The following PIGU variants were observed in gnomAD, a reference collection of about 807,000 sequenced individuals.
The protein encoded by PIGU is GPI-anchor transamidase component PIGU.
In PIGU, 24 loss-of-function variants were observed where a neutral mutation model predicts 49.9. That is an observed-to-expected ratio of 0.48 (90% confidence interval 0.35 to 0.68). The LOEUF (loss-of-function observed/expected upper bound fraction) is 0.68, where lower values mean the gene tolerates loss of function less well. PIGU is among the 30% of genes least tolerant of loss of function. PIGU has a pLI of 0.01. For synonymous variants in PIGU, 220 were observed against 205.7 expected, an observed-to-expected ratio of 1.07 and a Z score of -0.59; for missense variants, 490 against 532.6, an observed-to-expected ratio of 0.92 and a Z score of 0.79.
chr20:34,672,866 A>T (rs1227081918), intron 1 of PIGU, among the ~76,000 whole-genome samples: 84 of 150,606 alleles, frequency 5.6e-4, no homozygotes, highest in African/African-American at 2.0e-3. Flanking sequence ...CAAAAAAAAA[A>T]AAAAAAAAAA....
At chr20:34,565,450 C>T (rs144192911) in intron 11 of PIGU, among the ~76,000 whole-genome samples, 37 of 151,940 alleles carry the variant, frequency 2.4e-4, no homozygotes, top group African/African-American at 5.1e-4. Flanking sequence ...TTAGTAGAGA[C>T]GGGGTTTCAC....
chr20:34,611,953 G>A (rs1016988406), intron 7 of PIGU, among the ~76,000 whole-genome samples: 2 of 152,174 alleles, frequency 1.3e-5, no homozygotes, highest in African/African-American at 4.8e-5. Flanking sequence ...ACAGTGTGGC[G>A]ATTCCTCAAG....
At chr20:34,585,870 C>A (rs532737910) in intron 8 of PIGU, among the ~76,000 whole-genome samples, 3 of 152,192 alleles carry the variant, frequency 2.0e-5, no homozygotes, top group Non-Finnish European at 2.9e-5. Context: ...TGTTTTACTG[C>A]GCAAGACAGT....
At position 34,627,603 on chromosome 20, in the gene PIGU, G is replaced by A. The variant is rs151311294; in HGVS notation, c.529+7012C>T. On this transcript the variant is annotated intron_variant, in intron 6 of 11. Coordinates refer to ENST00000217446, the MANE Select transcript of PIGU (RefSeq NM_080476.5). ...TAATGGCATACTTTTACATTTTTAC[G>A]AGCGACTCCTAGGAAAACAAATAAA... Among the ~76,000 whole-genome samples, 13 of 151,390 alleles carry A rather than the reference G, an allele frequency of 8.6e-5. No homozygotes were observed. In the East Asian group the frequency reaches 1.2e-3, roughly 14 times the overall value.
At chr20:34,649,848 C>CTT (rs1243838081) in intron 2 of PIGU, among the ~76,000 whole-genome samples, 18 of 105,676 alleles carry the variant, frequency 1.7e-4, no homozygotes, top group South Asian at 3.1e-4. Flanking sequence ...CTATTACATT[C>CTT]TTTTTTTTTT....
Position 34,575,214 on chromosome 20 carries a change from T to A in PIGU, c.1084A>T (p.Ile362Phe). ...GGGAAGAGCAGGGAACAGACGATGA[T>A]GATGCAGGTGAGGACAAAGATGTTT... ...LRNIFVLTCI[I>F]IVCSLLFPVL... Residue 362 changes from isoleucine (I) to phenylalanine (F), a missense_variant, in exon 11 of 12, where the codon ATC becomes TTC. Physicochemically the swap from Ile to Phe is conservative, Grantham distance 21. Transcript: ENST00000217446. The A allele has an allele frequency of 6.2e-7, 1 of 1,614,108 alleles. No individual in the cohort carries two copies. The highest frequency in any genetic ancestry group is 8.5e-7 in the Non-Finnish European group (1 of 1,179,994).
intron 7 of PIGU, among the ~76,000 whole-genome samples, chr20:34,598,002 C>T (rs1447200925): frequency 1.3e-5 from 2 of 151,912 alleles, no homozygotes; most frequent in East Asian, 1.9e-4. Flanking sequence ...CCCAGGAGCT[C>T]GAGACCAGCC....
intron 7 of PIGU, among the ~76,000 whole-genome samples, chr20:34,596,917 A>C (rs1219871229): frequency 6.6e-6 from 1 of 152,202 alleles, no homozygotes; most frequent in Non-Finnish European, 1.5e-5. Flanking sequence ...AAAACAAAGC[A>C]AAATAAACAA....
chr20:34,588,618 G>C lies in PIGU; in HGVS notation c.628-11C>G. On this transcript the variant is annotated splice_polypyrimidine_tract_variant and intron_variant, in intron 7 of 11. Coordinates refer to ENST00000217446, the MANE Select transcript of PIGU (RefSeq NM_080476.5). ...AGGTATGTACTGCCGCTGGAGAGAA[G>C]GCAAAGTGATATAAACTTAGGGATG... 6.2e-7 allele frequency: 1 copy of C among 1,609,114 alleles called. No homozygotes were observed. Among genetic ancestry groups the C allele is most frequent in the South Asian group, 1.1e-5 (1 of 90,182 alleles).
chr20:34,573,689 G>A (rs927970764), intron 11 of PIGU, among the ~76,000 whole-genome samples: 1 of 152,238 alleles, frequency 6.6e-6, no homozygotes, highest in Non-Finnish European at 1.5e-5. Context: ...GAGAGCCAGG[G>A]CAACCTTCTG....
intron 10 of PIGU, among the ~76,000 whole-genome samples, chr20:34,578,457 A>G (rs1050187945): frequency 6.6e-6 from 1 of 152,234 alleles, no homozygotes; most frequent in South Asian, 2.1e-4. Flanking sequence ...TTTTGCTGAA[A>G]AGAATACAGA....
chr20:34,572,842 TAAAC>T (rs765739839), intron 11 of PIGU, among the ~76,000 whole-genome samples: 18 of 152,188 alleles, frequency 1.2e-4, no homozygotes, highest in Non-Finnish European at 2.4e-4. Flanking sequence ...TTTACCTACA[TAAAC>T]AAACAAACAA....
At chr20:34,636,190 G>C (rs564189189) in intron 5 of PIGU, among the ~76,000 whole-genome samples, 1 of 151,882 alleles carries the variant, frequency 6.6e-6, no homozygotes, top group African/African-American at 2.4e-5. Context: ...GACAGAGTGA[G>C]ACTCCATCTC....
intron 7 of PIGU, among the ~76,000 whole-genome samples, chr20:34,612,270 C>T (rs1347156320): frequency 6.6e-6 from 1 of 152,112 alleles, no homozygotes; most frequent in Non-Finnish European, 1.5e-5. Flanking sequence ...AACCAAACAT[C>T]GCATGTTCTT....
intron 1 of PIGU, 67 bp from the exon 2 acceptor site, chr20:34,657,311 C>T (rs1568661880): frequency 8.4e-7 from 1 of 1,186,058 alleles, no homozygotes; most frequent in East Asian, 2.4e-5. Flanking sequence ...TGTTAGATAC[C>T]CCCACAACCA....
intron 5 of PIGU, among the ~76,000 whole-genome samples, chr20:34,636,810 G>A (rs1985980663): frequency 1.3e-5 from 2 of 152,170 alleles, no homozygotes; most frequent in Non-Finnish European, 1.5e-5. Flanking sequence ...TCCCACGACT[G>A]TGAGATTAGC....
intron 7 of PIGU, among the ~76,000 whole-genome samples, chr20:34,593,775 G>GA (rs1984088583): frequency 1.3e-5 from 2 of 152,230 alleles, no homozygotes; most frequent in South Asian, 2.1e-4. Context: ...CACTGTACTA[G>GA]AAAAAAACAT....
chr20:34,652,181 T>TG (rs892557855), intron 2 of PIGU, among the ~76,000 whole-genome samples: 1 of 152,012 alleles, frequency 6.6e-6, no homozygotes, highest in Non-Finnish European at 1.5e-5. Context: ...TTTTTCCCCC[T>TG]GGGGGGAGAA....
intron 1 of PIGU, among the ~76,000 whole-genome samples, chr20:34,661,721 G>T (rs2146789433): frequency 6.6e-6 from 1 of 152,068 alleles, no homozygotes; most frequent in Non-Finnish European, 1.5e-5. Flanking sequence ...TATTCCTTTA[G>T]GTATATACCT....
Sources: allele counts gnomAD v4.1 joint callset (sites outside exome capture counted in the v4.1 genomes callset), GRCh38; gene constraint gnomAD v4.1.1; transcripts MANE v1.5; gene names NCBI Gene and HGNC (gene_info 2026-07-23, HGNC 2026-07-21).